Variants in POTEJ observed in about 807,000 individuals in gnomAD.
The protein encoded by POTEJ is POTE ankyrin domain family member J.
Under a neutral mutation model 69.0 loss-of-function variants are expected in POTEJ, and 11 were observed. The ratio of observed to expected loss-of-function variants is 0.16; its 90% confidence interval spans 0.10 to 0.26. The LOEUF is 0.26. Ranked by LOEUF, POTEJ falls within the 10% of genes least tolerant of loss-of-function variation. POTEJ has a pLI of 1.00. For synonymous variants in POTEJ, 117 were observed against 381.1 expected (o/e 0.31, Z 8.07); for missense variants, 327 against 1,045.5 (o/e 0.31, Z 9.48).
At chr2:130,632,794 A>T in intron 9 of POTEJ, 138 bp downstream of exon 9, 1 of 1,291,532 alleles carries the variant, frequency 7.7e-7, no homozygotes, top group Non-Finnish European at 1.1e-6. Flanking sequence ...AAAAATGAAA[A>T]TCAGCGAACA....
At chr2:130,640,628 A>G (rs531764062) in intron 10 of POTEJ, among the ~76,000 whole-genome samples, 78 of 151,918 alleles carry the variant, frequency 5.1e-4, no homozygotes, top group Non-Finnish European at 4.0e-4. Flanking sequence ...CAACATCGCA[A>G]GGGCTGCTTT....
intron 6 of POTEJ, among the ~76,000 whole-genome samples, chr2:130,626,153 G>A (rs1283212322): frequency 6.7e-6 from 1 of 149,648 alleles, no homozygotes; most frequent in Non-Finnish European, 1.5e-5. Flanking sequence ...ACATTTCATT[G>A]GCTGGGTCAC....
chr2:130,650,313 C>A (rs1183467992), intron 13 of POTEJ, among the ~76,000 whole-genome samples: 1 of 152,274 alleles, frequency 6.6e-6, no homozygotes, highest in Admixed American at 6.5e-5. Context: ...CACCACCCTT[C>A]CCATCAAACA....
At chr2:130,637,135 T>C (rs1345427010) in intron 9 of POTEJ, among the ~76,000 whole-genome samples, 1 of 150,796 alleles carries the variant, frequency 6.6e-6, no homozygotes, top group East Asian at 1.9e-4. Flanking sequence ...TGCCTGGTAA[T>C]TGTCTGCATT....
chr2:130,640,763 C>A (rs1476733508), intron 10 of POTEJ, among the ~76,000 whole-genome samples: 2 of 152,172 alleles, frequency 1.3e-5, no homozygotes, highest in African/African-American at 2.4e-5. Flanking sequence ...AGGTAAATAC[C>A]TGATTAGCTT....
At chr2:130,612,093 C>T (rs1277239372) in intron 1 of POTEJ, among the ~76,000 whole-genome samples, 151 bp downstream of exon 1, 2 of 152,048 alleles carry the variant, frequency 1.3e-5, no homozygotes, top group African/African-American at 2.4e-5. Flanking sequence ...AGGGCACAGG[C>T]CCCTTTATGA....
chr2:130,639,170 C>T (rs1293608074), intron 10 of POTEJ, among the ~76,000 whole-genome samples: 8 of 152,306 alleles, frequency 5.3e-5, no homozygotes, highest in African/African-American at 1.9e-4. Context: ...GCCTGCTGCG[C>T]ACCTCCTCCT....
intron 6 of POTEJ, among the ~76,000 whole-genome samples, chr2:130,625,749 G>A (rs1257361885): frequency 7.1e-6 from 1 of 141,390 alleles, no homozygotes; most frequent in Non-Finnish European, 1.5e-5. Context: ...TACCAAAAGT[G>A]TGAGATACCA....
chr2:130,643,602 T>A (rs538283630), intron 10 of POTEJ, among the ~76,000 whole-genome samples: 1 of 144,860 alleles, frequency 6.9e-6, no homozygotes, highest in South Asian at 2.2e-4. Context: ...TGTTGTACAC[T>A]AATAAAGGTG....
chr2:130,637,857 C>T (rs1212015181), intron 9 of POTEJ, among the ~76,000 whole-genome samples: 2 of 150,240 alleles, frequency 1.3e-5, no homozygotes, highest in African/African-American at 5.0e-5. Flanking sequence ...GATCATTGGT[C>T]CAAGTCAGGT....
At chr2:130,612,211 TAA>T (rs1157757141) in intron 1 of POTEJ, among the ~76,000 whole-genome samples, 22 of 150,662 alleles carry the variant, frequency 1.5e-4, no homozygotes, top group African/African-American at 4.4e-4. Context: ...CAAAATTAAT[TAA>T]GTCAATGCAG....
upstream of POTEJ, among the ~76,000 whole-genome samples, chr2:130,611,314 T>G (rs1573964367): frequency 4.5e-4 from 37 of 82,016 alleles, no homozygotes; most frequent in African/African-American, 7.7e-4. Flanking sequence ...GGGGGGGGGT[T>G]GGCCCTTCCT....
intron 1 of POTEJ, among the ~76,000 whole-genome samples, chr2:130,614,147 A>C (rs1685340811): frequency 1.6e-5 from 2 of 125,342 alleles, no homozygotes; most frequent in South Asian, 2.4e-4. Context: ...ATAGAGTGAG[A>C]CTCCATCTCA....
At chr2:130,655,498 C>T (rs1319997596) in intron 14 of POTEJ, among the ~76,000 whole-genome samples, 1 of 152,244 alleles carries the variant, frequency 6.6e-6, no homozygotes, top group Non-Finnish European at 1.5e-5. Context: ...ACAGTTTGCT[C>T]CAAGTAGTTT....
chr2:130,639,110 A>G (rs1337298103), intron 10 of POTEJ, among the ~76,000 whole-genome samples: 5 of 152,308 alleles, frequency 3.3e-5, no homozygotes, highest in Admixed American at 1.3e-4. Flanking sequence ...AGAGGCTGCA[A>G]TATGAGCCAT....
chr2:130,631,686 G>A (rs1685906873), intron 8 of POTEJ, among the ~76,000 whole-genome samples: 2 of 141,716 alleles, frequency 1.4e-5, no homozygotes, highest in African/African-American at 2.8e-5. Flanking sequence ...GCCATAAAAT[G>A]CTAGGTAATG....
chr2:130,631,844 G>A lies in POTEJ; in HGVS notation c.1131+391G>A, dbSNP rs1275499817. On this transcript the variant is annotated intron_variant, in intron 8 of 14. Transcript: ENST00000409602. Reference sequence around the variant, plus strand: ...GGCTATTCAATGTGAAATTTGGGGAGCATCTCATTTTCTGGAATTCCATGC... The same window carrying A: ...GGCTATTCAATGTGAAATTTGGGGAACATCTCATTTTCTGGAATTCCATGC... Among the ~76,000 whole-genome samples, 11 of 142,850 alleles carry A rather than the reference G, an allele frequency of 7.7e-5. 2 individuals are homozygous for A. Among genetic ancestry groups the A allele is most frequent in the Non-Finnish European group, 1.5e-4 (10 of 65,816 alleles). The allele number at this position is 142,850 out of a possible 152,430, so 93.7% of individuals were successfully genotyped here. A position where few individuals can be genotyped will look rare whatever the true frequency, so the allele number is the denominator to read the frequency against.
At chr2:130,629,094 C>G (rs865864018) in intron 6 of POTEJ, among the ~76,000 whole-genome samples, 323 of 144,134 alleles carry the variant, frequency 2.2e-3, no homozygotes, top group Middle Eastern at 7.4e-3. Flanking sequence ...ATTGGGAAGA[C>G]ATTGTACACT....
Position 130,648,465 on chromosome 2 carries a change from T to A in POTEJ, c.1667+2155T>A, listed in dbSNP as rs1686672714. 3.6e-5 allele frequency among the ~76,000 whole-genome samples: 5 copies of A among 139,984 alleles called. No homozygotes were observed. The South Asian group carries it at 1.1e-3, about 31-fold the overall frequency. 91.8% of individuals were successfully genotyped at this position (139,984 alleles called of 152,430 possible). The stretch of plus-strand genomic sequence containing the variant: ...AAATTTTCTTTCCATTCACTCTTGA[T>A]CTCAATGCCGGTAAGTCTTCAATTT... On this transcript the variant is annotated intron_variant, in intron 13 of 14. Transcript: ENST00000409602.
Sources: allele counts gnomAD v4.1 joint callset (sites outside exome capture counted in the v4.1 genomes callset), GRCh38; gene constraint gnomAD v4.1.1; transcripts MANE v1.5; gene names NCBI Gene and HGNC (gene_info 2026-07-23, HGNC 2026-07-21).